RABEP1: variants seen among roughly 807,000 people sequenced by gnomAD.
RABEP1 encodes rabaptin, RAB GTPase binding effector protein 1.
Under a neutral mutation model 123.4 loss-of-function variants are expected in RABEP1, and 51 were observed. The observed-to-expected ratio is 0.41, with a 90% CI of 0.33 to 0.52. The LOEUF is 0.52. Among genes scored for constraint, RABEP1 ranks in the 20% least tolerant of loss-of-function variants. RABEP1 has a pLI of 0.16. For synonymous variants in RABEP1, 347 were observed against 355.2 expected (o/e 0.98, Z 0.26); for missense variants, 888 against 996.3 (o/e 0.89, Z 1.46).
chr17:5,380,793 T>C (rs569241092), intron 16 of RABEP1, among the ~76,000 whole-genome samples: 1 of 152,336 alleles, frequency 6.6e-6, no homozygotes, highest in East Asian at 1.9e-4. Context: ...CTAAGAGAGA[T>C]TGCATCAAAC....
chr17:5,328,671 A>AAAG (rs1336027774), intron 2 of RABEP1, among the ~76,000 whole-genome samples: 5 of 120,476 alleles, frequency 4.2e-5, no homozygotes, highest in African/African-American at 1.3e-4. Context: ...AAAAAAAAAA[A>AAAG]GCCGGGCGCA....
At chr17:5,307,312 C>T (rs968675866) in intron 1 of RABEP1, among the ~76,000 whole-genome samples, 3 of 152,088 alleles carry the variant, frequency 2.0e-5, no homozygotes, top group Non-Finnish European at 2.9e-5. Context: ...AGGGAGACTC[C>T]GTCTCAAAAG....
intron 1 of RABEP1, among the ~76,000 whole-genome samples, chr17:5,294,606 TC>T (rs2075062974): frequency 6.9e-6 from 1 of 145,326 alleles, no homozygotes; most frequent in Non-Finnish European, 1.5e-5. Context: ...CCAATTTCCC[TC>T]AGATACTGAG....
At chr17:5,284,857 A>G (rs981738813) in intron 1 of RABEP1, among the ~76,000 whole-genome samples, 2 of 152,048 alleles carry the variant, frequency 1.3e-5, no homozygotes, top group African/African-American at 4.8e-5. Context: ...TGATTAAAAA[A>G]AAAAAAAATC....
rs763062801 is a variant in RABEP1 at position 5,377,122 on chromosome 17, C to T, written c.2032C>T (p.Arg678Trp). The T allele has an allele frequency of 7.5e-6, 12 of 1,595,422 alleles. No individual in the cohort carries two copies. The highest frequency in any genetic ancestry group is 1.2e-5 in the South Asian group (1 of 86,516). ...FILPDTTEAL[R>W]ELVLKYREDI... is the part of the protein sequence containing the mutation. The stretch of plus-strand genomic sequence containing the variant: ...ATTTGTTTCTTGAATCCAGGCACTG[C>T]GGGAGTTGGTATTAAAATACCGTGA... Residue 678 changes from arginine to tryptophan, a missense_variant, in exon 14 of 18, where the codon CGG (arginine) becomes TGG (tryptophan). Physicochemically the swap from Arg to Trp is moderately radical, Grantham distance 101. Coordinates refer to ENST00000537505, the MANE Select transcript of RABEP1 (RefSeq NM_004703.6).
chr17:5,360,542 A>G (rs564700756), intron 8 of RABEP1, among the ~76,000 whole-genome samples: 15 of 152,354 alleles, frequency 9.8e-5, no homozygotes, highest in Non-Finnish European at 2.2e-4. Flanking sequence ...AGCCTGGGCG[A>G]CAGAGCGAGA....
chr17:5,309,890 C>G (rs2075219210), intron 2 of RABEP1, among the ~76,000 whole-genome samples: 1 of 152,114 alleles, frequency 6.6e-6, no homozygotes, highest in African/African-American at 2.4e-5. Context: ...ATGTTTGGGT[C>G]CCACCCAGAT....
At chr17:5,337,920 G>T in intron 4 of RABEP1, 99 bp from the exon 5 acceptor site, 4 of 1,337,752 alleles carry the variant, frequency 3.0e-6, no homozygotes. Flanking sequence ...GTCTGGTCAA[G>T]TTACTTGTTA....
chr17:5,321,475 T>C (rs2075354460), intron 2 of RABEP1, among the ~76,000 whole-genome samples: 1 of 151,880 alleles, frequency 6.6e-6, no homozygotes, highest in Non-Finnish European at 1.5e-5. Flanking sequence ...CTGGGCATGC[T>C]GGCATGTGCC....
chr17:5,342,925 G>A (rs547032452), intron 5 of RABEP1, among the ~76,000 whole-genome samples: 6 of 152,298 alleles, frequency 3.9e-5, no homozygotes, highest in African/African-American at 1.2e-4. Context: ...TATATGACAG[G>A]TGGCATTACA....
At chr17:5,295,659 T>G (rs576773244) in intron 1 of RABEP1, among the ~76,000 whole-genome samples, 1 of 152,272 alleles carries the variant, frequency 6.6e-6, no homozygotes, top group African/African-American at 2.4e-5. Flanking sequence ...TTTGTGTCAT[T>G]AGGAATAACT....
intron 2 of RABEP1, among the ~76,000 whole-genome samples, chr17:5,331,609 T>G (rs940892651): frequency 4.6e-5 from 7 of 152,352 alleles, no homozygotes; most frequent in African/African-American, 1.7e-4. Context: ...GCGTTTCCAA[T>G]AAATTATCAT....
chr17:5,360,857 C>T (rs760032962), intron 8 of RABEP1: 7 of 254,300 alleles, frequency 2.8e-5, no homozygotes, highest in Non-Finnish European at 5.3e-5. Context: ...AGGTGACGTT[C>T]CTCAACTGTT....
chr17:5,354,043 AT>A (rs889288721), intron 7 of RABEP1, among the ~76,000 whole-genome samples: 2 of 150,294 alleles, frequency 1.3e-5, no homozygotes, highest in African/African-American at 2.4e-5. Flanking sequence ...TTCTGTGTAA[AT>A]TTTTTTTTTC....
chr17:5,314,234 CTTTT>C (rs71151864), intron 2 of RABEP1, among the ~76,000 whole-genome samples: 13 of 55,580 alleles, frequency 2.3e-4, no homozygotes, highest in East Asian at 7.1e-4. Flanking sequence ...AGTACCTATT[CTTTT>C]TTTTTTTTTT....
In RABEP1 at chr17:5,381,380, A is replaced by G; in HGVS notation, c.2371-9A>G. On this transcript the variant is annotated splice_polypyrimidine_tract_variant and intron_variant, in intron 16 of 17. Coordinates refer to ENST00000537505, the MANE Select transcript of RABEP1 (RefSeq NM_004703.6). ...GCATTAATCTTCATTCAAAACTTGT[A>G]TTTTTTAGGCTACCGTTGAACAACT... The G allele has an allele frequency of 6.2e-7, 1 of 1,606,564 alleles. No individual in the cohort carries two copies.
At chr17:5,359,721 A>G (rs1043808483) in intron 8 of RABEP1, among the ~76,000 whole-genome samples, 2 of 152,222 alleles carry the variant, frequency 1.3e-5, no homozygotes, top group African/African-American at 4.8e-5. Context: ...TGCCAGTAAC[A>G]ACAACTGTAT....
chr17:5,350,664 C>T (rs1244467043), intron 7 of RABEP1, 35 bp downstream of exon 7: 1 of 1,603,944 alleles, frequency 6.2e-7, no homozygotes, highest in South Asian at 1.1e-5. Context: ...TTTGCTTTGT[C>T]AGTAATGTCC....
At chr17:5,290,165 G>T (rs1188277950) in intron 1 of RABEP1, among the ~76,000 whole-genome samples, 1 of 152,192 alleles carries the variant, frequency 6.6e-6, no homozygotes, top group Non-Finnish European at 1.5e-5. Context: ...TCAGCTCACT[G>T]CAAGCTCCGC....
Sources: gnomAD v4.1 joint callset for allele counts (sites outside exome capture counted in the v4.1 genomes callset) on GRCh38, gnomAD v4.1.1 for gene constraint, MANE v1.5 for transcripts, NCBI Gene and HGNC (gene_info 2026-07-23, HGNC 2026-07-21) for gene names.